The following C1orf21 variants were observed in gnomAD, a reference collection of about 807,000 sequenced individuals.
The protein encoded by C1orf21 is chromosome 1 open reading frame 21.
C1orf21 carries 3 observed loss-of-function variants against 18.7 expected under a neutral mutation model. The ratio of observed to expected loss-of-function variants is 0.16; its 90% confidence interval spans 0.07 to 0.42. C1orf21 has a LOEUF of 0.42. Ranked by LOEUF, C1orf21 falls within the 10% of genes least tolerant of loss-of-function variation. The pLI is 0.99. For synonymous variants in C1orf21, 41 were observed against 46.4 expected (o/e 0.88, Z 0.47); for missense variants, 104 against 143.6 (o/e 0.72, Z 1.41).
At chr1:184,489,008 C>T (rs565192319) in intron 2 of C1orf21, among the ~76,000 whole-genome samples, 13 of 152,072 alleles carry the variant, frequency 8.5e-5, no homozygotes, top group South Asian at 2.1e-4. Flanking sequence ...CTACAAAAAA[C>T]GCAAGTGAGT....
intron 3 of C1orf21, among the ~76,000 whole-genome samples, chr1:184,521,030 A>AT (rs1658299219): frequency 6.6e-6 from 1 of 152,078 alleles, no homozygotes; most frequent in Admixed American, 6.5e-5. Flanking sequence ...AGTAGCTGGG[A>AT]TTACAGGCAT....
intron 1 of C1orf21, among the ~76,000 whole-genome samples, chr1:184,416,818 T>G (rs893720867): frequency 6.6e-6 from 1 of 152,186 alleles, no homozygotes; most frequent in Non-Finnish European, 1.5e-5. Context: ...TCAAACATAA[T>G]GGAGCAATGT....
At chr1:184,498,640 T>G (rs1657928508) in intron 2 of C1orf21, among the ~76,000 whole-genome samples, 1 of 152,220 alleles carries the variant, frequency 6.6e-6, no homozygotes, top group African/African-American at 2.4e-5. Flanking sequence ...TGATTTCATA[T>G]ACAAAGGAGG....
At chr1:184,576,818 T>TC (rs1659197716) in intron 3 of C1orf21, among the ~76,000 whole-genome samples, 20 of 150,060 alleles carry the variant, frequency 1.3e-4, no homozygotes, top group Admixed American at 1.3e-3. Flanking sequence ...TCAGAGGCTC[T>TC]CCCCATGACT....
At chr1:184,571,205 G>C (rs1296503265) in intron 3 of C1orf21, among the ~76,000 whole-genome samples, 1 of 149,174 alleles carries the variant, frequency 6.7e-6, no homozygotes, top group East Asian at 2.0e-4. Flanking sequence ...GCTGAGGCAG[G>C]AGAATGGCGT....
At chr1:184,465,933 C>T (rs562581328) in intron 1 of C1orf21, among the ~76,000 whole-genome samples, 3 of 152,238 alleles carry the variant, frequency 2.0e-5, no homozygotes, top group East Asian at 1.9e-4. Flanking sequence ...TGCATCTTGA[C>T]GCTGCACTGC....
chr1:184,564,279 T>C (rs1289852314), intron 3 of C1orf21, among the ~76,000 whole-genome samples: 1 of 152,190 alleles, frequency 6.6e-6, no homozygotes. Context: ...CTGTTGGTCT[T>C]ACAGAATAAT....
At chr1:184,460,614 G>GTCTTCTTCT (rs1176335646) in intron 1 of C1orf21, among the ~76,000 whole-genome samples, 9 of 127,326 alleles carry the variant, frequency 7.1e-5, no homozygotes, top group African/African-American at 3.3e-4. Context: ...TAGTATTGTC[G>GTCTTCTTCT]TCGTCGTCTT....
At chr1:184,548,516 G>A (rs1225706098) in intron 3 of C1orf21, among the ~76,000 whole-genome samples, 2 of 146,762 alleles carry the variant, frequency 1.4e-5, no homozygotes, top group African/African-American at 2.5e-5. Flanking sequence ...CCGGGTTCAC[G>A]CCATTCTCCC....
rs796591125 is a variant in C1orf21 at position 184,613,523 on chromosome 1, T to C, written c.328-5995T>C. Among the ~76,000 whole-genome samples, 18 of 152,300 alleles carry C rather than the reference T, an allele frequency of 1.2e-4. 2 individuals carry two copies. The highest frequency in any genetic ancestry group is 4.1e-4 in the African/African-American group (17 of 41,560). Reference sequence around the variant, plus strand: ...TGTGTGCATAGTTTTGCTCAAAACTTATTATCAGTTGTGTTGTTTAAAAAG... The same window carrying C: ...TGTGTGCATAGTTTTGCTCAAAACTCATTATCAGTTGTGTTGTTTAAAAAG... On this transcript the variant is annotated intron_variant, in intron 5 of 5. Transcript: ENST00000235307.
chr1:184,514,574 G>GT (rs1450841850), intron 3 of C1orf21, among the ~76,000 whole-genome samples: 1 of 152,130 alleles, frequency 6.6e-6, no homozygotes, highest in African/African-American at 2.4e-5. Flanking sequence ...TTGAAGGATA[G>GT]TTTAACAACA....
In C1orf21 at chr1:184,624,504, A is replaced by C. The variant is rs1280501525; in HGVS notation, c.*4948A>C. 1 of 152,098 alleles carries C rather than the reference A, an allele frequency of 6.6e-6. No individual in the cohort carries two copies. The highest frequency in any genetic ancestry group is 1.5e-5 in the Non-Finnish European group (1 of 68,030). 9.4% of individuals were successfully genotyped at this position (152,098 alleles called of 1,614,324 possible). A position where few individuals can be genotyped will look rare whatever the true frequency, so the allele number is the denominator to read the frequency against. On this transcript the variant is annotated 3_prime_UTR_variant, in exon 6 of 6. Transcript: ENST00000235307. ...TCCCAAGTCTTGTTGTTTCATCACAAACTGTATCTTTTTAAGGTTAAAAGT... is the reference window on the plus strand; with the variant it reads ...TCCCAAGTCTTGTTGTTTCATCACACACTGTATCTTTTTAAGGTTAAAAGT...
chr1:184,460,701 T>G (rs1262025131), intron 1 of C1orf21, among the ~76,000 whole-genome samples: 1 of 145,856 alleles, frequency 6.9e-6, no homozygotes, highest in African/African-American at 2.6e-5. Context: ...TCTTTCTTTT[T>G]TTCTCTTCTT....
At chr1:184,572,468 G>A (rs1006224) in intron 3 of C1orf21, among the ~76,000 whole-genome samples, 59,851 of 152,014 alleles carry the variant, frequency 0.39, 14,788 homozygotes, top group African/African-American at 0.71. Context: ...ACTCACATTT[G>A]TGAGTTTTCA....
At chr1:184,491,765 A>C (rs1657820399) in intron 2 of C1orf21, among the ~76,000 whole-genome samples, 1 of 152,134 alleles carries the variant, frequency 6.6e-6, no homozygotes, top group Non-Finnish European at 1.5e-5. Flanking sequence ...CTCACATGAC[A>C]CTGGTTAAGT....
intron 3 of C1orf21, among the ~76,000 whole-genome samples, chr1:184,526,208 AAAT>A (rs1460590664): frequency 6.6e-6 from 1 of 152,170 alleles, no homozygotes; most frequent in Admixed American, 6.5e-5. Flanking sequence ...CCTTGTTAGT[AAAT>A]ACAGGATTTT....
chr1:184,508,012 C>T (rs1458795557), intron 3 of C1orf21, among the ~76,000 whole-genome samples: 3 of 152,160 alleles, frequency 2.0e-5, no homozygotes, highest in African/African-American at 4.8e-5. Context: ...TCTACCTCTT[C>T]TAACTCATAT....
At chr1:184,614,119 T>C (rs535118766) in intron 5 of C1orf21, among the ~76,000 whole-genome samples, 9 of 152,316 alleles carry the variant, frequency 5.9e-5, no homozygotes, top group Admixed American at 2.0e-4. Flanking sequence ...AACTGACTGA[T>C]TGAGATGTGG....
At chr1:184,512,398 A>G (rs1276200160) in intron 3 of C1orf21, among the ~76,000 whole-genome samples, 2 of 152,184 alleles carry the variant, frequency 1.3e-5, no homozygotes, top group Non-Finnish European at 2.9e-5. Flanking sequence ...AATAATTGCC[A>G]CAGACCTCCA....
Sources: gnomAD v4.1 joint callset for allele counts (sites outside exome capture counted in the v4.1 genomes callset) on GRCh38, gnomAD v4.1.1 for gene constraint, MANE v1.5 for transcripts, NCBI Gene and HGNC (gene_info 2026-07-23, HGNC 2026-07-21) for gene names.